TRABD2A: variants seen among roughly 807,000 people sequenced by gnomAD.
TRABD2A encodes metalloprotease TIKI1.
In TRABD2A, 43 loss-of-function variants were observed where a neutral mutation model predicts 45.6. The ratio of observed to expected loss-of-function variants is 0.94; its 90% CI spans 0.74 to 1.22. The LOEUF (loss-of-function observed/expected upper bound fraction) is 1.22, where lower values mean the gene tolerates loss of function less well. Among genes scored for constraint, TRABD2A ranks in the 50% most tolerant of loss-of-function variants. The pLI is 0.00. For synonymous variants in TRABD2A, 269 were observed against 265.0 expected, an observed-to-expected ratio of 1.02 and a Z score of -0.15; for missense variants, 642 against 652.4, an observed-to-expected ratio of 0.98 and a Z score of 0.17.
chr2:84,821,920 C>G lies in TRABD2A; in HGVS notation c.1515G>C (p.Leu505=). 1 of 1,595,568 alleles carries G rather than the reference C, an allele frequency of 6.3e-7. No homozygotes were observed. The highest frequency in any genetic ancestry group is 8.5e-7 in the Non-Finnish European group (1 of 1,170,616). ...VLAFQTETPL[L] is the part of the protein sequence containing the mutation. ...CTTAGCCTGGTGCTTCCAGTCGTTA[C>G]AGGAGGGGTGTCTCTGTTTGGAAAG... is the stretch of plus-strand genomic sequence containing the variant. Residue 505 remains leucine, a synonymous_variant, in exon 7 of 7, where the codon CTG becomes CTC. Transcript: ENST00000409520.
chr2:84,864,499 C>T (rs867529030), intron 2 of TRABD2A, among the ~76,000 whole-genome samples: 23 of 152,122 alleles, frequency 1.5e-4, no homozygotes, highest in African/African-American at 5.6e-4. Flanking sequence ...ATAGGGGTCC[C>T]GCATGACACT....
At chr2:84,850,532 C>T (rs958012080) in intron 2 of TRABD2A, among the ~76,000 whole-genome samples, 7 of 152,024 alleles carry the variant, frequency 4.6e-5, no homozygotes, top group African/African-American at 1.7e-4. Flanking sequence ...TGCAAACACT[C>T]AGTAGGAGTT....
intron 1 of TRABD2A, among the ~76,000 whole-genome samples, chr2:84,878,162 A>C (rs76252337): frequency 0.022 from 3,390 of 152,328 alleles, 60 homozygotes; most frequent in Middle Eastern, 0.054. Flanking sequence ...AGCCAAAGCC[A>C]GATGGAGGTA....
At chr2:84,832,305 A>G in intron 4 of TRABD2A, 160 bp from the exon 5 acceptor site, 1 of 672,082 alleles carries the variant, frequency 1.5e-6, no homozygotes, top group Middle Eastern at 2.5e-4. Context: ...AGGCCTGCCA[A>G]CAGTCCTGCA....
intron 4 of TRABD2A, chr2:84,838,158 T>G: frequency 1.4e-6 from 1 of 712,130 alleles, no homozygotes; most frequent in South Asian, 1.5e-5. Context: ...TTGAACCCAT[T>G]CTGTCCCCTC....
rs199658694 is a variant in TRABD2A, at chr2:84,870,569, C to T, written c.325G>A (p.Glu109Lys). The change falls in exon 2 of 7, where the codon GAG becomes AAG. Residue 109 changes from glutamate to lysine, a missense_variant. Glu to Lys is a moderately conservative substitution (Grantham distance 56, BLOSUM62 1). Transcript: ENST00000409520. ...CTGGGGAGCACATCTTGGAGGTTCTCGCCCTGTGGCAGCATCTGACAGCTG... is the reference window on the plus strand; with the variant it reads ...CTGGGGAGCACATCTTGGAGGTTCTTGCCCTGTGGCAGCATCTGACAGCTG... ...LTSCQMLPQG[E>K]NLQDVLPRDI... The T allele has an allele frequency of 8.5e-5, 137 of 1,613,714 alleles. No individual in the cohort carries two copies. The South Asian group carries it at 1.1e-3, about 13-fold the overall frequency.
chr2:84,827,616 C>T (rs137860991), intron 5 of TRABD2A, among the ~76,000 whole-genome samples: 117 of 152,330 alleles, frequency 7.7e-4, no homozygotes, highest in African/African-American at 2.7e-3. Context: ...GACCTAGCCC[C>T]TGGAAGCTGT....
Position 84,830,525 on chromosome 2 carries a change from C to T in TRABD2A, c.1082+1530G>A, listed in dbSNP as rs1383635111. On this transcript the variant is annotated intron_variant, in intron 5 of 6. Coordinates refer to ENST00000409520, the MANE Select transcript of TRABD2A (RefSeq NM_001277053.2). The surrounding 1 kb of genome is among the most constrained non-coding windows in gnomAD (Gnocchi z 4.9). ...TCCCACAGAAGGGCGAAGAGTGAAC[C>T]AGAGGGAGAAGGGCCTGGAAGGGGG... Among the ~76,000 whole-genome samples, 2 of 152,226 alleles carry T rather than the reference C, an allele frequency of 1.3e-5. No homozygotes were observed. Among genetic ancestry groups the T allele is most frequent in the East Asian group, 3.9e-4 (2 of 5,192 alleles).
chr2:84,866,854 G>A (rs942492534), intron 2 of TRABD2A, among the ~76,000 whole-genome samples: 1 of 152,164 alleles, frequency 6.6e-6, no homozygotes, highest in Non-Finnish European at 1.5e-5. Flanking sequence ...GGAGACTGAG[G>A]CAGGAAGATC....
chr2:84,822,762 C>T (rs1446261952), intron 6 of TRABD2A, among the ~76,000 whole-genome samples: 1 of 152,228 alleles, frequency 6.6e-6, no homozygotes, highest in Non-Finnish European at 1.5e-5. Context: ...TTCTCCAGGT[C>T]CCATCTGGCT....
intron 5 of TRABD2A, among the ~76,000 whole-genome samples, chr2:84,827,020 G>A (rs1015787116): frequency 6.6e-6 from 1 of 152,144 alleles, no homozygotes; most frequent in African/African-American, 2.4e-5. Flanking sequence ...AATAGAGGTG[G>A]CTGCTCTTCT....
In TRABD2A at chr2:84,839,193, A is replaced by T. The variant is rs762589492; in HGVS notation, c.947T>A (p.Leu316Ter). The change falls in exon 4 of 7, where the codon TTG becomes TAG. Residue 316 changes from leucine (L) to a stop codon, truncating the protein, a stop_gained. Transcript: ENST00000409520. LOFTEE classifies it high-confidence loss of function. ...ERIGKRVKAL[L>*]EEFPDKGFFF... ...GAAGCCTTTGTCAGGGAACTCCTCC[A>T]AAAGGGCCTTCACCCGCTTCCCTAT... 2 of 1,613,848 alleles carry T rather than the reference A, an allele frequency of 1.2e-6. No individual in the cohort carries two copies. The highest frequency in any genetic ancestry group is 2.7e-5 in the African/African-American group (2 of 74,914).
Position 84,830,619 on chromosome 2 carries a change from G to A in TRABD2A, c.1082+1436C>T, listed in dbSNP as rs1329304042. On this transcript the variant is annotated intron_variant, in intron 5 of 6. Coordinates refer to ENST00000409520, the MANE Select transcript of TRABD2A (RefSeq NM_001277053.2). This position sits in a 1 kb window ranked among gnomAD's most constrained non-coding sequence, Gnocchi z 4.9. Reference sequence around the variant, plus strand: ...TAGTGGAGGAAGCCAAAAGCCTGGTGGAGAAGGAAAATGAGCAGTCTCACA... The same window carrying A: ...TAGTGGAGGAAGCCAAAAGCCTGGTAGAGAAGGAAAATGAGCAGTCTCACA... Among the ~76,000 whole-genome samples the A allele has an allele frequency of 1.3e-5, 2 of 152,174 alleles. No homozygotes were observed. The highest frequency in any genetic ancestry group is 4.8e-5 in the African/African-American group (2 of 41,444).
At chr2:84,863,349 A>G (rs577533549) in intron 2 of TRABD2A, among the ~76,000 whole-genome samples, 143 of 142,098 alleles carry the variant, frequency 1.0e-3, no homozygotes, top group Non-Finnish European at 1.5e-3. Context: ...GGTTCACACC[A>G]TTCTCCTGCC....
chr2:84,822,946 C>T (rs966959996), intron 6 of TRABD2A, among the ~76,000 whole-genome samples: 9 of 152,206 alleles, frequency 5.9e-5, no homozygotes, highest in African/African-American at 1.9e-4. Context: ...TTCTTTAACG[C>T]AATCGTTCCC....
chr2:84,834,389 G>T (rs1416088697), intron 4 of TRABD2A: 2 of 152,128 alleles, frequency 1.3e-5, no homozygotes, highest in Non-Finnish European at 2.9e-5. Flanking sequence ...CATAATGTGG[G>T]AGCCAAACCC....
chr2:84,844,315 G>A (rs539969696), intron 2 of TRABD2A, among the ~76,000 whole-genome samples: 9 of 152,184 alleles, frequency 5.9e-5, no homozygotes, highest in South Asian at 2.1e-4. Flanking sequence ...AATAAGTCTC[G>A]TGGTTCTATA....
chr2:84,877,475 C>T (rs545558016), intron 1 of TRABD2A, among the ~76,000 whole-genome samples: 5 of 152,308 alleles, frequency 3.3e-5, no homozygotes, highest in East Asian at 3.9e-4. Flanking sequence ...CATGGTGGCT[C>T]ATGCCTGTAA....
At chr2:84,826,011 G>A (rs183130731) in intron 5 of TRABD2A, among the ~76,000 whole-genome samples, 2 of 152,120 alleles carry the variant, frequency 1.3e-5, no homozygotes, top group Admixed American at 6.5e-5. Flanking sequence ...TGCCAAAAAC[G>A]TTGAGGGCCA....
Sources: gnomAD v4.1 joint callset for allele counts (sites outside exome capture counted in the v4.1 genomes callset) on GRCh38, gnomAD v4.1.1 for gene constraint, Gnocchi (gnomAD v3.1) non-coding constraint, MANE v1.5 for transcripts, NCBI Gene and HGNC (gene_info 2026-07-23, HGNC 2026-07-21) for gene names.